Variants in SLC7A6 observed in about 807,000 individuals in gnomAD.
SLC7A6 encodes the protein solute carrier family 7 member 6, also known as Y+L amino acid transporter 2.
A neutral mutation model predicts 46.6 loss-of-function variants in SLC7A6; 29 were observed. The observed-to-expected ratio is 0.62, with a 90% confidence interval of 0.46 to 0.85. The LOEUF is 0.85. Among genes scored for constraint, SLC7A6 ranks in the 40% least tolerant of loss-of-function variants. The pLI is 0.00. For synonymous variants in SLC7A6, 276 were observed against 257.3 expected (o/e 1.07, Z -0.70); for missense variants, 527 against 647.6 (o/e 0.81, Z 2.02).
At chr16:68,277,868 C>G (rs1405518430) in intron 3 of SLC7A6, among the ~76,000 whole-genome samples, 2 of 151,910 alleles carry the variant, frequency 1.3e-5, no homozygotes, top group Non-Finnish European at 2.9e-5. Flanking sequence ...CTCAGGTGAT[C>G]TGCCCACCCG....
At chr16:68,277,333 T>TTTATTTAC (rs1474637342) in intron 3 of SLC7A6, among the ~76,000 whole-genome samples, 1 of 149,104 alleles carries the variant, frequency 6.7e-6, no homozygotes, top group African/African-American at 2.5e-5. Flanking sequence ...TATTTATTTA[T>TTTATTTAC]TTATTTATTT....
chr16:68,295,856 G>A (rs935741499), intron 8 of SLC7A6, among the ~76,000 whole-genome samples: 2 of 152,094 alleles, frequency 1.3e-5, no homozygotes, highest in Non-Finnish European at 2.9e-5. Context: ...TCTCCCTCTG[G>A]CTCAAAATTC....
At chr16:68,284,903 C>G (rs2042899694) in intron 3 of SLC7A6, among the ~76,000 whole-genome samples, 1 of 115,100 alleles carries the variant, frequency 8.7e-6, no homozygotes, top group African/African-American at 3.5e-5. Context: ...CTCTGTTGCC[C>G]TGGCTGGAGT....
At chr16:68,290,735 C>G in intron 5 of SLC7A6, 195 bp downstream of exon 5, 1 of 652,124 alleles carries the variant, frequency 1.5e-6, no homozygotes, top group Non-Finnish European at 2.6e-6. Flanking sequence ...GCTCCCTGTC[C>G]TCACGTTCGC....
At chr16:68,287,441 T>C (rs2042959355) in intron 3 of SLC7A6, 1 of 1,327,988 alleles carries the variant, frequency 7.5e-7, no homozygotes, top group Non-Finnish European at 9.9e-7. Flanking sequence ...AAAGAGTAGG[T>C]GAAATCACCC....
intron 2 of SLC7A6, among the ~76,000 whole-genome samples, chr16:68,268,796 C>T (rs1430640960): frequency 6.6e-6 from 1 of 151,746 alleles, no homozygotes; most frequent in Non-Finnish European, 1.5e-5. Flanking sequence ...ACCTGAGGTC[C>T]CAGGAGTCCG....
chr16:68,265,186 C>T (rs928555636), intron 1 of SLC7A6, among the ~76,000 whole-genome samples: 1 of 152,170 alleles, frequency 6.6e-6, no homozygotes, highest in Non-Finnish European at 1.5e-5. Context: ...TTGTGGCGTG[C>T]TGGAGCCTGG....
In SLC7A6 at chr16:68,296,724, G is replaced by A. The variant is rs759798067; in HGVS notation, c.1367G>A (p.Gly456Glu). ...ACCATTAATTCCCTCATTGGCATCGGGATTGCCCTTTCTGGAGTCCCTTTC... is the reference window on the plus strand; with the variant it reads ...ACCATTAATTCCCTCATTGGCATCGAGATTGCCCTTTCTGGAGTCCCTTTC... Reference protein sequence around the residue: ...TDTINSLIGIGIALSGVPFYF... With the variant: ...TDTINSLIGIEIALSGVPFYF... Residue 456 changes from glycine (G) to glutamate (E), a missense_variant, in exon 10 of 11, where the codon GGG becomes GAG. By Grantham distance (98) the Gly-to-Glu change is moderately conservative. Coordinates refer to ENST00000219343, the MANE Select transcript of SLC7A6 (RefSeq NM_003983.6). 133 of 1,614,032 alleles carry A rather than the reference G, an allele frequency of 8.2e-5. 2 individuals carry two copies. Among genetic ancestry groups the A allele is most frequent in the South Asian group, 6.9e-4 (63 of 91,078 alleles).
intron 3 of SLC7A6, among the ~76,000 whole-genome samples, chr16:68,283,565 A>C (rs1212163569): frequency 6.6e-6 from 1 of 152,190 alleles, no homozygotes; most frequent in Non-Finnish European, 1.5e-5. Context: ...CTTCAGCTAA[A>C]ATTTCTATTA....
chr16:68,281,348 T>C (rs1404403972), intron 3 of SLC7A6, among the ~76,000 whole-genome samples: 2 of 152,230 alleles, frequency 1.3e-5, no homozygotes, highest in Admixed American at 6.5e-5. Context: ...GAGACACTTT[T>C]GGTTGTCACA....
At position 68,296,333 on chromosome 16, in the gene SLC7A6, G is replaced by A. The variant is rs533475833; in HGVS notation, c.1120-31G>A. 1.2e-5 allele frequency: 20 copies of A among 1,612,782 alleles called. 1 individual carries two copies. In the African/African-American group the frequency reaches 2.3e-4, roughly 18 times the overall value. ...TCCTGGGGGCGCAGGTGGTGACGAT[G>A]CTCACCTGTCTCCCCACCCCTTTCC... On this transcript the variant is annotated intron_variant, in intron 8 of 10. Coordinates refer to ENST00000219343, the MANE Select transcript of SLC7A6 (RefSeq NM_003983.6).
At position 68,287,961 on chromosome 16, in the gene SLC7A6, T is replaced by C. The variant is rs568319636; in HGVS notation, c.649+90T>C. 487 of 1,535,616 alleles carry C rather than the reference T, an allele frequency of 3.2e-4. No homozygotes were observed. The African/African-American group carries it at 4.1e-3, about 13-fold the overall frequency. On this transcript the variant is annotated intron_variant, in intron 4 of 10. Transcript: ENST00000219343. The stretch of plus-strand genomic sequence containing the variant: ...CTCTGTTAGCTTCACTGCTCGGCTG[T>C]TTCTATGTACATGCTAGCATGTGTC...
At chr16:68,290,744 G>C in intron 5 of SLC7A6, 1 of 621,552 alleles carries the variant, frequency 1.6e-6, no homozygotes, top group South Asian at 1.9e-5. Context: ...CCTCACGTTC[G>C]CACTGGAGGA....
Position 68,274,991 on chromosome 16 carries a change from C to T in SLC7A6, c.265C>T (p.Leu89Phe), listed in dbSNP as rs1213141212. ...ACTGATTGTGTGGGCCATTGGTGGG[C>T]TCTTCTCTGTTGTGGGTGCCCTTTG... ...MSLIVWAIGG[L>F]FSVVGALCYA... Residue 89 changes from leucine (L) to phenylalanine (F), a missense_variant, in exon 3 of 11, where the codon CTC becomes TTC. Coordinates refer to ENST00000219343, the MANE Select transcript of SLC7A6 (RefSeq NM_003983.6). The T allele has an allele frequency of 6.2e-7, 1 of 1,614,064 alleles. No homozygotes were observed. The highest frequency in any genetic ancestry group is 8.5e-7 in the Non-Finnish European group (1 of 1,180,040).
chr16:68,299,991 G>A lies in SLC7A6; in HGVS notation c.*2663G>A, dbSNP rs1234554977. 3 of 152,234 alleles carry A rather than the reference G, an allele frequency of 2.0e-5. No individual in the cohort carries two copies. The highest frequency in any genetic ancestry group is 6.8e-3 in the Middle Eastern group (2 of 294). 9.4% of individuals were successfully genotyped at this position (152,234 alleles called of 1,614,324 possible). ...GGTAGGATGAAGGAGAGATACTTAG[G>A]AAATCCTAAAAGAGGCGGCAAGAAG... On this transcript the variant is annotated 3_prime_UTR_variant, in exon 11 of 11. Coordinates refer to ENST00000219343, the MANE Select transcript of SLC7A6 (RefSeq NM_003983.6).
chr16:68,282,544 G>A (rs2042847289), intron 3 of SLC7A6, among the ~76,000 whole-genome samples: 2 of 152,198 alleles, frequency 1.3e-5, no homozygotes, highest in South Asian at 4.1e-4. Context: ...CTCCCCTGGA[G>A]TGTTGGAGAG....
rs2043238219 is a variant in SLC7A6 at position 68,299,819 on chromosome 16, G to C, written c.*2491G>C. 6.6e-6 allele frequency: 1 copy of C among 152,174 alleles called. No homozygotes were observed. The highest frequency in any genetic ancestry group is 2.4e-5 in the African/African-American group (1 of 41,418). The allele number at this position is 152,174 out of a possible 1,614,324, so 9.4% of individuals were successfully genotyped here. On this transcript the variant is annotated 3_prime_UTR_variant, in exon 11 of 11. Transcript: ENST00000219343. ...TGAATTATACCTTTGTGCATGCCTA[G>C]GATGTTTGTTGTTTTAATTAGCTGC...
chr16:68,284,798 C>A, intron 3 of SLC7A6: 1 of 179,192 alleles, frequency 5.6e-6, no homozygotes, highest in Non-Finnish European at 1.1e-5. Flanking sequence ...TTATCCTCTT[C>A]TGTCTCTGCC....
intron 10 of SLC7A6, 51 bp downstream of exon 10, chr16:68,296,861 A>G (rs375375843): frequency 6.3e-7 from 1 of 1,592,192 alleles, no homozygotes; most frequent in Non-Finnish European, 8.6e-7. Flanking sequence ...GTGCATGCGC[A>G]TGCAGAGGTG....
Sources: allele counts gnomAD v4.1 joint callset (sites outside exome capture counted in the v4.1 genomes callset), GRCh38; gene constraint gnomAD v4.1.1; transcripts MANE v1.5; gene names NCBI Gene and HGNC (gene_info 2026-07-23, HGNC 2026-07-21).